Variants in SPMIP2 observed in about 807,000 individuals in gnomAD.
The protein encoded by SPMIP2 is protein SPMIP2.
At chr4:158,924,193 T>A in the SPMIP2 span, among the ~76,000 whole-genome samples, 11 of 152,202 alleles carry the variant, frequency 7.2e-5, no homozygotes, top group Non-Finnish European at 1.5e-4. Flanking sequence ...AGAAAATTAA[T>A]CTCTGTTGTT....
At chr4:158,995,906 A>G in the SPMIP2 span, among the ~76,000 whole-genome samples, 1 of 150,910 alleles carries the variant, frequency 6.6e-6, no homozygotes, top group Non-Finnish European at 1.5e-5. Context: ...TCTTCATGGC[A>G]GACATTATTA....
At chr4:159,006,752 G>A in the SPMIP2 span, among the ~76,000 whole-genome samples, 2 of 152,148 alleles carry the variant, frequency 1.3e-5, no homozygotes, top group East Asian at 3.8e-4. Context: ...ATCATAGATT[G>A]CCAATAACTT....
At chr4:158,983,922 T>C in the SPMIP2 span, among the ~76,000 whole-genome samples, 1 of 120,220 alleles carries the variant, frequency 8.3e-6, no homozygotes, top group African/African-American at 3.2e-5. Flanking sequence ...GAGACACATA[T>C]AGGCTCAAAA....
At chr4:158,981,419 T>G in the SPMIP2 span, among the ~76,000 whole-genome samples, 1 of 151,526 alleles carries the variant, frequency 6.6e-6, no homozygotes, top group East Asian at 1.9e-4. Flanking sequence ...GTCACCAAAG[T>G]TGAAATGAAG....
chr4:158,926,071 T>C, the SPMIP2 span, among the ~76,000 whole-genome samples: 1 of 152,210 alleles, frequency 6.6e-6, no homozygotes, highest in Non-Finnish European at 1.5e-5. Context: ...AACATATGAA[T>C]ATTGAGGGGA....
the SPMIP2 span, among the ~76,000 whole-genome samples, chr4:158,911,388 T>TAAATA: frequency 1.8e-4 from 27 of 148,576 alleles, no homozygotes; most frequent in African/African-American, 6.4e-4. Flanking sequence ...ATAAATAAAA[T>TAAATA]AAATAAAAGC....
At chr4:159,010,103 G>A in the SPMIP2 span, among the ~76,000 whole-genome samples, 2 of 152,348 alleles carry the variant, frequency 1.3e-5, no homozygotes, top group East Asian at 3.9e-4. Context: ...CATATGCCCT[G>A]ATGTATTAGT....
the SPMIP2 span, among the ~76,000 whole-genome samples, chr4:159,035,916 T>C: frequency 1.3e-5 from 2 of 152,246 alleles, no homozygotes; most frequent in Admixed American, 1.3e-4. Flanking sequence ...ACCACTTCAA[T>C]TATTTGTCTA....
the SPMIP2 span, among the ~76,000 whole-genome samples, chr4:159,068,436 C>T: frequency 6.8e-6 from 1 of 147,566 alleles, no homozygotes; most frequent in Non-Finnish European, 1.5e-5. Flanking sequence ...CCCATGTTCT[C>T]ACTCAGGGGT....
the SPMIP2 span, among the ~76,000 whole-genome samples, chr4:158,972,635 A>C: frequency 1.3e-5 from 2 of 152,224 alleles, no homozygotes; most frequent in Non-Finnish European, 2.9e-5. Context: ...ACATACCCTG[A>C]ATTATTAATA....
At chr4:158,915,355 G>C in the SPMIP2 span, 1 of 1,608,552 alleles carries the variant, frequency 6.2e-7, no homozygotes, top group African/African-American at 1.3e-5. Context: ...TGAGGTTTTG[G>C]TTGCCTGGAA....
At chr4:159,058,368 G>T in the SPMIP2 span, among the ~76,000 whole-genome samples, 1 of 152,068 alleles carries the variant, frequency 6.6e-6, no homozygotes, top group Non-Finnish European at 1.5e-5. Flanking sequence ...ACTAGCAAAA[G>T]AAATAGTTTT....
chr4:158,971,681 G>C, the SPMIP2 span, among the ~76,000 whole-genome samples: 7 of 152,254 alleles, frequency 4.6e-5, no homozygotes, highest in African/African-American at 1.7e-4. Flanking sequence ...TATAGGGCTT[G>C]ATACATGCTA....
chr4:159,024,034 G>A, the SPMIP2 span, among the ~76,000 whole-genome samples: 1 of 152,212 alleles, frequency 6.6e-6, no homozygotes. Context: ...GATGCCTTGT[G>A]ATGTTTGTCT....
chr4:158,937,835 G>C, the SPMIP2 span, among the ~76,000 whole-genome samples: 1 of 152,234 alleles, frequency 6.6e-6, no homozygotes, highest in African/African-American at 2.4e-5. Context: ...ACCTGTGCAT[G>C]AGTGAAATGG....
the SPMIP2 span, among the ~76,000 whole-genome samples, chr4:159,077,910 A>C: frequency 6.6e-6 from 1 of 152,250 alleles, no homozygotes; most frequent in African/African-American, 2.4e-5. Context: ...CTATTACGGT[A>C]GCAAACAGGT....
At chr4:158,971,881 T>C in the SPMIP2 span, among the ~76,000 whole-genome samples, 2 of 152,168 alleles carry the variant, frequency 1.3e-5, no homozygotes, top group African/African-American at 4.8e-5. Context: ...GTGGCAGAAC[T>C]AGGATAGAAA....
At chr4:159,038,781 T>C in the SPMIP2 span, 1 of 152,014 alleles carries the variant, frequency 6.6e-6, no homozygotes, top group Admixed American at 6.6e-5. Context: ...GGGTGGGTGG[T>C]GAGGGCATTT....
the SPMIP2 span, chr4:158,907,253 A>G: frequency 6.6e-6 from 1 of 152,206 alleles, no homozygotes; most frequent in East Asian, 1.9e-4. Flanking sequence ...CATAATTCCA[A>G]AGTATTTTAT....
Sources: allele counts gnomAD v4.1 joint callset (sites outside exome capture counted in the v4.1 genomes callset), GRCh38; gene constraint gnomAD v4.1.1; transcripts MANE v1.5; gene names NCBI Gene and HGNC (gene_info 2026-07-23, HGNC 2026-07-21).